The following GRIK2 variants were observed in gnomAD, a reference collection of about 807,000 sequenced individuals.
GRIK2 encodes glutamate ionotropic receptor kainate type subunit 2.
In GRIK2, 32 loss-of-function variants were observed where a neutral mutation model predicts 100.3. The observed-to-expected ratio is 0.32, with a 90% CI of 0.24 to 0.43. GRIK2 has a LOEUF of 0.43. Among genes scored for constraint, GRIK2 ranks in the 20% least tolerant of loss-of-function variants. The probability of loss-of-function intolerance (pLI) is 1.00; values close to 1 mark genes in which losing one functional copy is unlikely to be tolerated. For missense variants in GRIK2, 843 were observed against 1,114.9 expected (o/e 0.76, Z 3.47); for synonymous variants, 417 against 389.4 (o/e 1.07, Z -0.83).
intron 2 of GRIK2, among the ~76,000 whole-genome samples, chr6:101,520,201 A>C (rs1461136008): frequency 6.6e-6 from 1 of 151,914 alleles, no homozygotes; most frequent in Non-Finnish European, 1.5e-5. Context: ...AATATTTTTC[A>C]TTGCACAAAA....
At chr6:101,548,155 T>G (rs1218068384) in intron 2 of GRIK2, among the ~76,000 whole-genome samples, 2 of 152,132 alleles carry the variant, frequency 1.3e-5, no homozygotes, top group Non-Finnish European at 2.9e-5. Flanking sequence ...TCGCCCACTT[T>G]TTGATGGGGT....
chr6:102,042,602 G>T (rs1231459763), intron 15 of GRIK2, among the ~76,000 whole-genome samples: 1 of 151,366 alleles, frequency 6.6e-6, no homozygotes, highest in Non-Finnish European at 1.5e-5. Context: ...CCAATTTTAG[G>T]GTTCTTAATG....
At chr6:101,419,398 G>A (rs572763090) in intron 2 of GRIK2, among the ~76,000 whole-genome samples, 1 of 152,186 alleles carries the variant, frequency 6.6e-6, no homozygotes, top group East Asian at 1.9e-4. Flanking sequence ...TGGGCCTCTT[G>A]GGAACATACA....
At chr6:101,955,055 G>T (rs1042040840) in intron 14 of GRIK2, among the ~76,000 whole-genome samples, 31 of 152,056 alleles carry the variant, frequency 2.0e-4, no homozygotes, top group African/African-American at 7.5e-4. Flanking sequence ...AATCCCACTT[G>T]GTCTTGGTGT....
chr6:101,693,063 A>G (rs925964750), intron 7 of GRIK2, among the ~76,000 whole-genome samples: 12 of 152,240 alleles, frequency 7.9e-5, no homozygotes, highest in Non-Finnish European at 1.8e-4. Flanking sequence ...AAAAACCTCC[A>G]TTGTTTTATT....
At chr6:101,614,093 T>G (rs1779796394) in intron 2 of GRIK2, among the ~76,000 whole-genome samples, 1 of 151,798 alleles carries the variant, frequency 6.6e-6, no homozygotes, top group East Asian at 1.9e-4. Context: ...ATCTGAATGA[T>G]GAGTAGACCA....
intron 7 of GRIK2, among the ~76,000 whole-genome samples, chr6:101,793,509 C>T (rs1394152716): frequency 6.6e-6 from 1 of 152,144 alleles, no homozygotes; most frequent in Non-Finnish European, 1.5e-5. Context: ...GCAGCAGTGT[C>T]TGCAGAACTG....
intron 15 of GRIK2, among the ~76,000 whole-genome samples, chr6:102,045,558 T>TGA (rs927755408): frequency 4.6e-5 from 7 of 151,710 alleles, no homozygotes; most frequent in African/African-American, 1.5e-4. Flanking sequence ...CATGTAGAAA[T>TGA]GAGAGAAGAG....
chr6:101,852,167 G>T (rs1301532688), intron 10 of GRIK2, among the ~76,000 whole-genome samples: 1 of 151,994 alleles, frequency 6.6e-6, no homozygotes, highest in Non-Finnish European at 1.5e-5. Context: ...GTCGATCTTT[G>T]TTCCTTTTAA....
intron 2 of GRIK2, among the ~76,000 whole-genome samples, chr6:101,407,770 A>T (rs2128237206): frequency 6.6e-6 from 1 of 152,312 alleles, no homozygotes; most frequent in Non-Finnish European, 1.5e-5. Flanking sequence ...TTCTGATATT[A>T]AGGATTGTGT....
At position 101,975,087 on chromosome 6, in the gene GRIK2, A is replaced by G. The variant is rs79075576; in HGVS notation, c.2085+46455A>G. On this transcript the variant is annotated intron_variant, in intron 14 of 16. Coordinates refer to ENST00000369134, the MANE Select transcript of GRIK2 (RefSeq NM_021956.5). ...GGAAGCACAAAAAAAGGAAGGAGTC[A>G]AGGATGATTTTTTGATTCCACAGAG... is the stretch of plus-strand genomic sequence containing the variant. 4.9e-3 allele frequency among the ~76,000 whole-genome samples: 739 copies of G among 152,116 alleles called. 11 individuals are homozygous for G. Among genetic ancestry groups the G allele is most frequent in the African/African-American group, 0.017 (709 of 41,536 alleles).
chr6:101,885,653 C>G (rs1221370149), intron 11 of GRIK2, among the ~76,000 whole-genome samples: 1 of 152,064 alleles, frequency 6.6e-6, no homozygotes, highest in Non-Finnish European at 1.5e-5. Context: ...TTCCACCTTC[C>G]CAGTCCAGGG....
chr6:101,705,441 A>G (rs1222039730), intron 7 of GRIK2, among the ~76,000 whole-genome samples: 1 of 151,806 alleles, frequency 6.6e-6, no homozygotes, highest in African/African-American at 2.4e-5. Context: ...TCATTAGACG[A>G]AATGCATATG....
At chr6:101,880,575 C>T (rs963465723) in intron 11 of GRIK2, among the ~76,000 whole-genome samples, 2 of 151,962 alleles carry the variant, frequency 1.3e-5, no homozygotes, top group South Asian at 2.1e-4. Flanking sequence ...TAGAAATTTA[C>T]TGTATTTTAC....
chr6:101,486,255 A>G (rs1174290411), intron 2 of GRIK2, among the ~76,000 whole-genome samples: 2 of 151,906 alleles, frequency 1.3e-5, no homozygotes, highest in African/African-American at 2.4e-5. Flanking sequence ...GTTTGAGAGG[A>G]TTTGAAGGGA....
chr6:101,613,465 C>G (rs1200974064), intron 2 of GRIK2, among the ~76,000 whole-genome samples: 1 of 151,672 alleles, frequency 6.6e-6, no homozygotes, highest in Non-Finnish European at 1.5e-5. Context: ...TTAATAATAA[C>G]AGTTGATGAT....
At chr6:101,672,170 C>A (rs1770491203) in intron 4 of GRIK2, among the ~76,000 whole-genome samples, 1 of 152,150 alleles carries the variant, frequency 6.6e-6, no homozygotes. Flanking sequence ...GATGACACAA[C>A]AACCAACCCG....
At chr6:101,773,814 T>C (rs1478827982) in intron 7 of GRIK2, among the ~76,000 whole-genome samples, 2 of 152,144 alleles carry the variant, frequency 1.3e-5, no homozygotes, top group African/African-American at 2.4e-5. Flanking sequence ...TGACTTCCCA[T>C]TGCCACTAAG....
At chr6:101,805,728 G>T (rs899359696) in intron 9 of GRIK2, among the ~76,000 whole-genome samples, 10 of 151,986 alleles carry the variant, frequency 6.6e-5, no homozygotes, top group African/African-American at 2.4e-4. Context: ...GCAGTAATAA[G>T]TGCTGAAAAG....
Sources: allele counts gnomAD v4.1 joint callset (sites outside exome capture counted in the v4.1 genomes callset), GRCh38; gene constraint gnomAD v4.1.1; transcripts MANE v1.5; gene names NCBI Gene and HGNC (gene_info 2026-07-23, HGNC 2026-07-21).